Variants in SLC4A5 observed in about 807,000 individuals in gnomAD.
The protein encoded by SLC4A5 is solute carrier family 4 member 5, also known as electrogenic sodium bicarbonate cotransporter 4.
In SLC4A5, 96 loss-of-function variants were observed where a neutral mutation model predicts 120.4. The observed-to-expected ratio is 0.80, with a 90% CI of 0.68 to 0.94. The LOEUF (loss-of-function observed/expected upper bound fraction) is 0.94. Ranked by LOEUF, SLC4A5 falls within the 40% of genes least tolerant of loss-of-function variation. The pLI is 0.00. For synonymous variants in SLC4A5, 550 were observed against 571.1 expected (o/e 0.96, Z 0.53); for missense variants, 1,259 against 1,459.5 (o/e 0.86, Z 2.24).
chr2:74,336,461 T>C (rs1041441758), intron 3 of SLC4A5, among the ~76,000 whole-genome samples: 4 of 152,222 alleles, frequency 2.6e-5, no homozygotes, highest in African/African-American at 7.2e-5. Context: ...CTGTGAGAAG[T>C]GGTTTCCTCA....
At position 74,309,897 on chromosome 2, in the gene SLC4A5, C is replaced by T. The variant is rs372819343; in HGVS notation, c.79+5048G>A. On this transcript the variant is annotated intron_variant, in intron 6 of 30. Transcript: ENST00000394019. ...CAGGATGGTCTTCATCTCCTGACCT[C>T]GTGATCTGCCTGCCTCGGCCTCCCA... Among the ~76,000 whole-genome samples the T allele has an allele frequency of 2.2e-3, 327 of 151,800 alleles. 3 individuals are homozygous for T. Among genetic ancestry groups the T allele is most frequent in the African/African-American group, 7.2e-3 (300 of 41,390 alleles).
chr2:74,313,950 T>C (rs1159891785), intron 6 of SLC4A5, among the ~76,000 whole-genome samples: 1 of 152,122 alleles, frequency 6.6e-6, no homozygotes, highest in East Asian at 1.9e-4. Flanking sequence ...ATCCTGCTTC[T>C]CTGGGACTCG....
exon 19 of SLC4A5, chr2:74,247,160 G>C (rs1217147686): frequency 6.2e-7 from 1 of 1,614,114 alleles, no homozygotes; most frequent in East Asian, 2.2e-5. Context: ...TGAAGATGAA[G>C]CTGATAAGGG....
intron 19 of SLC4A5, among the ~76,000 whole-genome samples, chr2:74,243,830 C>T (rs770906190): frequency 1.3e-5 from 2 of 152,192 alleles, no homozygotes; most frequent in Non-Finnish European, 2.9e-5. Flanking sequence ...AAGTATCAAA[C>T]ATTTTAAAAT....
intron 8 of SLC4A5, among the ~76,000 whole-genome samples, chr2:74,269,463 C>T (rs1671406153): frequency 1.3e-5 from 2 of 152,094 alleles, no homozygotes; most frequent in Non-Finnish European, 2.9e-5. Flanking sequence ...AAATTCCTGA[C>T]CTCAGGTGGT....
rs766253415 is a variant in SLC4A5 at position 74,227,376 on chromosome 2, T to C, written c.2917-246A>G. Reference sequence around the variant, plus strand: ...CTGGCCACAAAATGGACATTGTCCATATTCAGGGAAAGTGCAAGTTAATTG... The same window carrying C: ...CTGGCCACAAAATGGACATTGTCCACATTCAGGGAAAGTGCAAGTTAATTG... On this transcript the variant is annotated intron_variant, in intron 26 of 30. Transcript: ENST00000394019. The C allele has an allele frequency of 3.9e-4, 497 of 1,265,296 alleles. 1 individual carries two copies. Among genetic ancestry groups the C allele is most frequent in the Non-Finnish European group, 5.2e-4 (478 of 914,558 alleles). 78.4% of individuals were successfully genotyped at this position (1,265,296 alleles called of 1,614,324 possible).
chr2:74,332,245 A>C (rs1339647975), intron 4 of SLC4A5, among the ~76,000 whole-genome samples: 1 of 152,148 alleles, frequency 6.6e-6, no homozygotes, highest in Non-Finnish European at 1.5e-5. Context: ...ACTGGGTTGG[A>C]CTCAAGGATC....
At chr2:74,318,544 G>C (rs1394321133) in intron 5 of SLC4A5, among the ~76,000 whole-genome samples, 1 of 152,090 alleles carries the variant, frequency 6.6e-6, no homozygotes, top group African/African-American at 2.4e-5. Context: ...AAATTAGCCA[G>C]GTGTGGTGGT....
At chr2:74,251,798 T>A (rs540518783) in intron 16 of SLC4A5, among the ~76,000 whole-genome samples, 1 of 152,214 alleles carries the variant, frequency 6.6e-6, no homozygotes, top group Non-Finnish European at 1.5e-5. Flanking sequence ...GGATTCCACC[T>A]GGAGCCTCAG....
intron 21 of SLC4A5, among the ~76,000 whole-genome samples, chr2:74,236,260 A>G (rs1670265872): frequency 6.6e-6 from 1 of 152,226 alleles, no homozygotes; most frequent in Non-Finnish European, 1.5e-5. Context: ...TATTGATAAG[A>G]ATTTACCTTT....
chr2:74,314,495 C>T (rs1386497274), intron 6 of SLC4A5, among the ~76,000 whole-genome samples: 1 of 152,146 alleles, frequency 6.6e-6, no homozygotes, highest in Non-Finnish European at 1.5e-5. Context: ...TTTTCATAAG[C>T]CCCATGGCTT....
intron 7 of SLC4A5, among the ~76,000 whole-genome samples, chr2:74,289,788 C>G (rs1385026008): frequency 6.6e-6 from 1 of 152,038 alleles, no homozygotes; most frequent in Non-Finnish European, 1.5e-5. Context: ...GGGGCCATAC[C>G]AATTCTCCCT....
chr2:74,243,251 G>A (rs1038651878), intron 19 of SLC4A5, among the ~76,000 whole-genome samples: 5 of 152,152 alleles, frequency 3.3e-5, no homozygotes, highest in African/African-American at 9.7e-5. Flanking sequence ...CTGCTCCCCC[G>A]TTCTGCAGTC....
intron 5 of SLC4A5, among the ~76,000 whole-genome samples, chr2:74,323,068 G>A (rs190510359): frequency 3.5e-4 from 53 of 152,174 alleles, no homozygotes; most frequent in Non-Finnish European, 6.2e-4. Context: ...GTGAATCCCC[G>A]TCTCTTATTA....
exon 31 of SLC4A5, chr2:74,216,454 T>A (rs1694446919): frequency 6.6e-6 from 1 of 152,254 alleles, no homozygotes; most frequent in Non-Finnish European, 1.5e-5. Flanking sequence ...GTTTGATTAA[T>A]CAAGCAGGTT....
intron 7 of SLC4A5, among the ~76,000 whole-genome samples, chr2:74,301,250 T>C (rs988489303): frequency 3.3e-5 from 5 of 152,212 alleles, no homozygotes; most frequent in Non-Finnish European, 7.4e-5. Flanking sequence ...TGAACTATCA[T>C]TCTCAGGGGG....
intron 14 of SLC4A5, among the ~76,000 whole-genome samples, chr2:74,253,661 C>A (rs1173684947): frequency 6.6e-6 from 1 of 151,866 alleles, no homozygotes; most frequent in African/African-American, 2.4e-5. Flanking sequence ...CATAAACACA[C>A]TCTTTGAGGC....
intron 5 of SLC4A5, among the ~76,000 whole-genome samples, chr2:74,326,713 G>A (rs578245149): frequency 3.0e-4 from 45 of 152,246 alleles, no homozygotes; most frequent in Non-Finnish European, 1.5e-5. Context: ...TAGCTACTCG[G>A]GAGGCTGAGG....
chr2:74,235,155 G>T, exon 22 of SLC4A5: 1 of 1,614,144 alleles, frequency 6.2e-7, no homozygotes, highest in Non-Finnish European at 8.5e-7. Context: ...AACAGGCATC[G>T]ATTCCACAGA....
Sources: allele counts gnomAD v4.1 joint callset (sites outside exome capture counted in the v4.1 genomes callset), GRCh38; gene constraint gnomAD v4.1.1; transcripts MANE v1.5; gene names NCBI Gene and HGNC (gene_info 2026-07-23, HGNC 2026-07-21).